DPP10: variants seen among roughly 807,000 people sequenced by gnomAD.
The protein encoded by DPP10 is inactive dipeptidyl peptidase 10.
In DPP10, 33 loss-of-function variants were observed where a neutral mutation model predicts 120.9. The ratio of observed to expected loss-of-function variants is 0.27; its 90% CI spans 0.21 to 0.37. The LOEUF (loss-of-function observed/expected upper bound fraction) is 0.37. Ranked by LOEUF, DPP10 falls within the 10% of genes least tolerant of loss-of-function variation. DPP10 has a pLI of 1.00. For missense variants in DPP10, 816 were observed against 942.8 expected (o/e 0.87, Z 1.76); for synonymous variants, 337 against 326.1 (o/e 1.03, Z -0.36).
intron 5 of DPP10, among the ~76,000 whole-genome samples, chr2:115,532,735 CATG>C (rs1273435213): frequency 3.3e-5 from 5 of 151,700 alleles, no homozygotes; most frequent in Admixed American, 1.3e-4. Context: ...TATGGCAAAT[CATG>C]ATATGTTAAA....
At chr2:115,608,158 C>T (rs577121440) in intron 5 of DPP10, among the ~76,000 whole-genome samples, 48 of 152,092 alleles carry the variant, frequency 3.2e-4, no homozygotes, top group East Asian at 1.7e-3. Context: ...GAGGCAGAGG[C>T]GGGCAGATCA....
chr2:115,069,082 T>G (rs1000732915), intron 1 of DPP10, among the ~76,000 whole-genome samples: 12 of 152,154 alleles, frequency 7.9e-5, no homozygotes, highest in African/African-American at 2.9e-4. Context: ...TTCTTTTGTA[T>G]TTCTGTAAAT....
At chr2:115,173,035 C>G (rs528217335) in intron 1 of DPP10, among the ~76,000 whole-genome samples, 5 of 152,268 alleles carry the variant, frequency 3.3e-5, no homozygotes, top group African/African-American at 1.2e-4. Context: ...GAGAAGTTGA[C>G]AAAGTTTATA....
intron 3 of DPP10, among the ~76,000 whole-genome samples, chr2:115,459,260 G>T (rs1187944373): frequency 5.9e-5 from 9 of 151,754 alleles, no homozygotes. Context: ...TTGTTCAAGT[G>T]ATTCGTCTGC....
chr2:114,968,819 C>A (rs542397357), intron 1 of DPP10, among the ~76,000 whole-genome samples: 1 of 152,134 alleles, frequency 6.6e-6, no homozygotes, highest in Non-Finnish European at 1.5e-5. Flanking sequence ...CATTCAGATT[C>A]TTTCCCCAGA....
At chr2:115,386,489 C>G (rs879565641) in intron 3 of DPP10, among the ~76,000 whole-genome samples, 7 of 151,808 alleles carry the variant, frequency 4.6e-5, no homozygotes, top group Non-Finnish European at 8.8e-5. Flanking sequence ...AGGGAAATGA[C>G]AAGACAAAAG....
intron 5 of DPP10, among the ~76,000 whole-genome samples, chr2:115,657,859 C>A (rs771456702): frequency 1.1e-4 from 17 of 151,786 alleles, no homozygotes; most frequent in Admixed American, 6.6e-5. Flanking sequence ...GAAGAAACAA[C>A]CTTGTAAAAA....
intron 1 of DPP10, among the ~76,000 whole-genome samples, chr2:115,000,122 C>T (rs1181715765): frequency 2.0e-5 from 3 of 151,838 alleles, no homozygotes; most frequent in Non-Finnish European, 4.4e-5. Context: ...ATGGTCTCTA[C>T]ATTTATGGGG....
chr2:115,557,062 T>C (rs1049514928), intron 5 of DPP10, among the ~76,000 whole-genome samples: 4 of 152,158 alleles, frequency 2.6e-5, no homozygotes, highest in African/African-American at 7.2e-5. Flanking sequence ...TAGTTTTGCA[T>C]TGCGACTTAG....
chr2:115,749,067 C>A (rs1213926188), intron 10 of DPP10, among the ~76,000 whole-genome samples: 1 of 152,000 alleles, frequency 6.6e-6, no homozygotes, highest in Admixed American at 6.6e-5. Flanking sequence ...TTTGAATATC[C>A]CCAGAACTAG....
At chr2:114,940,617 A>G (rs1023641015) in intron 1 of DPP10, among the ~76,000 whole-genome samples, 8 of 152,144 alleles carry the variant, frequency 5.3e-5, no homozygotes, top group African/African-American at 1.9e-4. Context: ...TCTTCAGCCA[A>G]TACACAGCAT....
intron 3 of DPP10, among the ~76,000 whole-genome samples, chr2:115,483,465 ATC>A (rs1191839722): frequency 0.014 from 1,241 of 90,756 alleles, 12 homozygotes; most frequent in African/African-American, 0.048. Context: ...CTATCTATCT[ATC>A]TATCTATCTA....
chr2:115,086,455 T>A (rs1708706022), intron 1 of DPP10, among the ~76,000 whole-genome samples: 1 of 7,920 alleles, frequency 1.3e-4, no homozygotes, highest in Non-Finnish European at 9.7e-4. Flanking sequence ...TGTATTTCTT[T>A]TTTTTTTTTT....
intron 1 of DPP10, among the ~76,000 whole-genome samples, chr2:114,742,754 C>G (rs149162564): frequency 5.1e-4 from 77 of 152,272 alleles, no homozygotes; most frequent in African/African-American, 1.8e-3. Flanking sequence ...GTTTTCTTAT[C>G]CCACCATGTA....
intron 1 of DPP10, chr2:114,461,949 G>A (rs1392524029): frequency 2.0e-6 from 2 of 985,258 alleles, no homozygotes; most frequent in East Asian, 2.3e-4. Context: ...AGGAAATAAT[G>A]AGGCCTCGAC....
intron 7 of DPP10, among the ~76,000 whole-genome samples, chr2:115,715,083 T>C (rs2149587569): frequency 6.7e-6 from 1 of 148,204 alleles, no homozygotes; most frequent in Non-Finnish European, 1.5e-5. Context: ...CTCATGCCTG[T>C]CATCCCAGCA....
chr2:114,999,904 C>G (rs892981928), intron 1 of DPP10, among the ~76,000 whole-genome samples: 2 of 152,124 alleles, frequency 1.3e-5, no homozygotes, highest in African/African-American at 4.8e-5. Context: ...AAAGGATCAC[C>G]CTTTAGAACT....
chr2:114,889,333 T>A (rs1474180642), intron 1 of DPP10, among the ~76,000 whole-genome samples: 1 of 152,174 alleles, frequency 6.6e-6, no homozygotes, highest in Non-Finnish European at 1.5e-5. Context: ...TTGCTCAATA[T>A]CTGAAAGGTA....
intron 1 of DPP10, among the ~76,000 whole-genome samples, chr2:114,707,614 A>G (rs1700767152): frequency 6.6e-6 from 1 of 152,136 alleles, no homozygotes; most frequent in African/African-American, 2.4e-5. Context: ...AAATCCCACT[A>G]AAAAGTGAGT....
Sources: gnomAD v4.1 joint callset for allele counts (sites outside exome capture counted in the v4.1 genomes callset) on GRCh38, gnomAD v4.1.1 for gene constraint, MANE v1.5 for transcripts, NCBI Gene and HGNC (gene_info 2026-07-23, HGNC 2026-07-21) for gene names.